The following NREP variants were observed in gnomAD, a reference collection of about 807,000 sequenced individuals.
NREP encodes the protein neuronal regeneration-related protein.
NREP carries 5 observed loss-of-function variants against 8.6 expected under a neutral mutation model. The ratio of observed to expected loss-of-function variants is 0.58; its 90% CI spans 0.30 to 1.22. The LOEUF is 1.22. NREP is among the 50% of genes most tolerant of loss of function. NREP has a pLI of 0.07. For synonymous variants in NREP, 27 were observed against 28.0 expected (o/e 0.96, Z 0.11); for missense variants, 86 against 82.5 (o/e 1.04, Z -0.17).
intron 2 of NREP, among the ~76,000 whole-genome samples, chr5:111,936,646 C>T (rs538527233): frequency 2.0e-5 from 3 of 152,168 alleles, no homozygotes; most frequent in East Asian, 3.9e-4. Flanking sequence ...CAGTATTCAA[C>T]CCTGTACAAA....
At chr5:111,732,971 A>C (rs1200942100) in intron 3 of NREP, 4 of 152,210 alleles carry the variant, frequency 2.6e-5, no homozygotes, top group Non-Finnish European at 5.9e-5. Flanking sequence ...TCTCTATTTA[A>C]ATCTCAGTCT....
intron 2 of NREP, among the ~76,000 whole-genome samples, chr5:111,907,346 G>C (rs564952707): frequency 6.6e-6 from 1 of 151,988 alleles, no homozygotes; most frequent in South Asian, 2.1e-4. Context: ...GATCCATTTC[G>C]TGTTCGTATC....
At chr5:111,829,252 G>A (rs1481110528) in intron 2 of NREP, among the ~76,000 whole-genome samples, 1 of 152,140 alleles carries the variant, frequency 6.6e-6, no homozygotes, top group Non-Finnish European at 1.5e-5. Flanking sequence ...TTTGCAGTGA[G>A]AGACCAAAAA....
At chr5:111,770,678 C>T (rs1751198677) in intron 2 of NREP, among the ~76,000 whole-genome samples, 1 of 142,404 alleles carries the variant, frequency 7.0e-6, no homozygotes, top group Admixed American at 7.7e-5. Flanking sequence ...TGAAGCCATT[C>T]TTCGACTTAG....
rs111317568 is a variant in NREP at position 111,795,214 on chromosome 5, T to C, written c.136-59707A>G. ...ATGGGGAAGCAAAGATGGATCATTATCAGATGCAAACACAAGAATAAATAA... is the reference window on the plus strand; with the variant it reads ...ATGGGGAAGCAAAGATGGATCATTACCAGATGCAAACACAAGAATAAATAA... On this transcript the variant is annotated intron_variant, in intron 2 of 3. Transcript: ENST00000395634. Among the ~76,000 whole-genome samples, 997 of 152,296 alleles carry C rather than the reference T, an allele frequency of 6.5e-3. 17 individuals carry two copies. Among genetic ancestry groups the C allele is most frequent in the African/African-American group, 0.023 (954 of 41,560 alleles).
At chr5:111,920,091 T>C (rs1241078117) in intron 2 of NREP, among the ~76,000 whole-genome samples, 1 of 151,668 alleles carries the variant, frequency 6.6e-6, no homozygotes, top group African/African-American at 2.4e-5. Flanking sequence ...TTAATGTGCA[T>C]GCCTGAGCCT....
rs988064439 is a variant in NREP at position 111,811,683 on chromosome 5, C to T, written c.136-76176G>A. On this transcript the variant is annotated intron_variant, in intron 2 of 3. Transcript: ENST00000395634. Reference sequence around the variant, plus strand: ...ATTTTTCTGGGATATTTATTCTTCTCTTGATATTAGCAAAACTTTTGTTCA... The same window carrying T: ...ATTTTTCTGGGATATTTATTCTTCTTTTGATATTAGCAAAACTTTTGTTCA... 2.6e-5 allele frequency among the ~76,000 whole-genome samples: 4 copies of T among 152,130 alleles called. No homozygotes were observed. In the East Asian group the frequency reaches 7.7e-4, roughly 29 times the overall value.
At chr5:111,877,800 T>G (rs544894720) in intron 2 of NREP, among the ~76,000 whole-genome samples, 1 of 148,824 alleles carries the variant, frequency 6.7e-6, no homozygotes, top group South Asian at 2.1e-4. Context: ...GGGGCCCTAA[T>G]TGAACTCTCA....
At chr5:111,924,663 T>C (rs2112586424) in intron 2 of NREP, among the ~76,000 whole-genome samples, 1 of 152,296 alleles carries the variant, frequency 6.6e-6, no homozygotes, top group East Asian at 1.9e-4. Flanking sequence ...TACTGCAGTG[T>C]CTGAGGAGGC....
chr5:111,945,769 GCCCTGT>G (rs1180004527), intron 2 of NREP, among the ~76,000 whole-genome samples: 7 of 5,630 alleles, frequency 1.2e-3, no homozygotes, highest in South Asian at 3.4e-3. Flanking sequence ...GCCCTTCACA[GCCCTGT>G]TTTTCCTCAG....
intron 2 of NREP, among the ~76,000 whole-genome samples, chr5:111,814,507 C>A (rs185695877): frequency 7.9e-5 from 12 of 152,224 alleles, no homozygotes; most frequent in Non-Finnish European, 7.4e-5. Flanking sequence ...ATTTCTGCCC[C>A]TCTTTTGAGA....
At chr5:111,768,539 C>A (rs1309292068) in intron 2 of NREP, among the ~76,000 whole-genome samples, 1 of 152,084 alleles carries the variant, frequency 6.6e-6, no homozygotes, top group African/African-American at 2.4e-5. Context: ...CTAGTAGTCC[C>A]TAGTGTCTAT....
At chr5:111,878,516 C>T (rs1269135364) in intron 2 of NREP, among the ~76,000 whole-genome samples, 2 of 152,138 alleles carry the variant, frequency 1.3e-5, no homozygotes, top group African/African-American at 2.4e-5. Flanking sequence ...AGGTCTCTCC[C>T]TTGACACGTG....
At chr5:111,924,642 G>A (rs373148021) in intron 2 of NREP, among the ~76,000 whole-genome samples, 40 of 152,288 alleles carry the variant, frequency 2.6e-4, no homozygotes, top group African/African-American at 8.7e-4. Context: ...ATATTGGGGT[G>A]TTGCAGGGGC....
At chr5:111,899,431 G>A (rs553906400) in intron 2 of NREP, among the ~76,000 whole-genome samples, 17 of 152,108 alleles carry the variant, frequency 1.1e-4, no homozygotes, top group South Asian at 4.2e-4. Flanking sequence ...GGACAATCAC[G>A]TGAGCCTAGG....
chr5:111,770,716 C>T (rs1039822547), intron 2 of NREP, among the ~76,000 whole-genome samples: 5 of 151,606 alleles, frequency 3.3e-5, no homozygotes, highest in African/African-American at 4.8e-5. Flanking sequence ...ACTACACATG[C>T]GCGCCACCAT....
chr5:111,939,615 G>A (rs1755776364), intron 2 of NREP, among the ~76,000 whole-genome samples: 1 of 151,990 alleles, frequency 6.6e-6, no homozygotes, highest in South Asian at 2.1e-4. Context: ...GGTCAAACAA[G>A]GCAATATTCT....
chr5:111,754,299 A>T (rs1272286372), intron 2 of NREP, among the ~76,000 whole-genome samples: 2 of 152,206 alleles, frequency 1.3e-5, no homozygotes, highest in Non-Finnish European at 2.9e-5. Context: ...CTACTACAGA[A>T]ACATGGTATC....
intron 2 of NREP, among the ~76,000 whole-genome samples, chr5:111,740,341 T>C (rs991050146): frequency 6.6e-6 from 1 of 152,140 alleles, no homozygotes; most frequent in Non-Finnish European, 1.5e-5. Context: ...ATATTACTTA[T>C]AGTGAAAATG....
Sources: allele counts gnomAD v4.1 joint callset (sites outside exome capture counted in the v4.1 genomes callset), GRCh38; gene constraint gnomAD v4.1.1; transcripts MANE v1.5; gene names NCBI Gene and HGNC (gene_info 2026-07-23, HGNC 2026-07-21).